The following AUTS2 variants were observed in gnomAD, a reference collection of about 807,000 sequenced individuals.
AUTS2 encodes autism susceptibility gene 2 protein.
A neutral mutation model predicts 112.4 loss-of-function variants in AUTS2; 17 were observed. The ratio of observed to expected loss-of-function variants is 0.15; its 90% CI spans 0.10 to 0.23. The LOEUF (loss-of-function observed/expected upper bound fraction) is 0.23. Among genes scored for constraint, AUTS2 ranks in the 10% least tolerant of loss-of-function variants. AUTS2 has a pLI of 1.00. For missense variants in AUTS2, 1,510 were observed against 1,701.6 expected (o/e 0.89, Z 1.98); for synonymous variants, 751 against 702.7 (o/e 1.07, Z -1.09).
intron 2 of AUTS2, among the ~76,000 whole-genome samples, chr7:70,083,920 T>TTGGG: frequency 6.6e-6 from 1 of 152,086 alleles, no homozygotes; most frequent in African/African-American, 2.4e-5. Flanking sequence ...GTATTTTAGC[T>TTGGG]TGGGTGATAG....
intron 5 of AUTS2, among the ~76,000 whole-genome samples, chr7:70,644,309 G>A (rs1369349205): frequency 2.0e-5 from 3 of 152,182 alleles, no homozygotes; most frequent in Non-Finnish European, 4.4e-5. Flanking sequence ...TGGAGAGGGA[G>A]TCGTCAGGGA....
At chr7:69,781,757 T>C (rs936685737) in intron 1 of AUTS2, among the ~76,000 whole-genome samples, 1 of 152,172 alleles carries the variant, frequency 6.6e-6, no homozygotes, top group Non-Finnish European at 1.5e-5. Flanking sequence ...TTCCCACTTG[T>C]TGCAAAGGCC....
chr7:69,886,891 C>T (rs1431686698), intron 1 of AUTS2, among the ~76,000 whole-genome samples: 1 of 151,960 alleles, frequency 6.6e-6, no homozygotes, highest in African/African-American at 2.4e-5. Flanking sequence ...CCTCCTGCCT[C>T]AGCCTCCTGA....
At chr7:70,656,883 C>T (rs1563106336) in intron 5 of AUTS2, among the ~76,000 whole-genome samples, 1 of 150,722 alleles carries the variant, frequency 6.6e-6, no homozygotes, top group Non-Finnish European at 1.5e-5. Context: ...GCAAATGTCA[C>T]TCACATCCTA....
intron 2 of AUTS2, among the ~76,000 whole-genome samples, chr7:69,975,453 C>A (rs1165098475): frequency 6.6e-6 from 1 of 152,034 alleles, no homozygotes; most frequent in Admixed American, 6.6e-5. Context: ...GCCCTATTTT[C>A]CTTTTCCTCT....
chr7:70,229,715 AG>A (rs1486719346), intron 4 of AUTS2, among the ~76,000 whole-genome samples: 1 of 151,846 alleles, frequency 6.6e-6, no homozygotes, highest in Admixed American at 6.6e-5. Context: ...GTTATATTTG[AG>A]GTGTGCTACA....
At chr7:70,585,376 G>C (rs1802632481) in intron 5 of AUTS2, among the ~76,000 whole-genome samples, 1 of 152,182 alleles carries the variant, frequency 6.6e-6, no homozygotes. Context: ...AGCAGCATCA[G>C]GAGGGTCGCT....
At chr7:70,124,923 GT>G (rs1316396565) in intron 3 of AUTS2, among the ~76,000 whole-genome samples, 1 of 152,110 alleles carries the variant, frequency 6.6e-6, no homozygotes, top group African/African-American at 2.4e-5. Context: ...ATGACTACTG[GT>G]TTTTGTTTTT....
At chr7:69,658,714 A>G (rs561264685) in intron 1 of AUTS2, among the ~76,000 whole-genome samples, 98 of 152,334 alleles carry the variant, frequency 6.4e-4, no homozygotes, top group South Asian at 2.7e-3. Context: ...TCATGAGCAA[A>G]CTACTGTCTG....
chr7:70,219,303 TTTA>T (rs2074816139), intron 4 of AUTS2, among the ~76,000 whole-genome samples: 1 of 152,240 alleles, frequency 6.6e-6, no homozygotes, highest in Admixed American at 6.5e-5. Context: ...CTGCCATGAT[TTTA>T]TTTTTAATTG....
intron 5 of AUTS2, among the ~76,000 whole-genome samples, chr7:70,583,008 T>TATTAAAGTAC (rs1802521020): frequency 1.3e-5 from 2 of 152,340 alleles, no homozygotes; most frequent in South Asian, 4.1e-4. Context: ...TAGTACTGTA[T>TATTAAAGTAC]CTTTAACCTT....
intron 4 of AUTS2, among the ~76,000 whole-genome samples, chr7:70,246,018 T>G (rs934074025): frequency 1.3e-5 from 2 of 152,178 alleles, no homozygotes; most frequent in Non-Finnish European, 2.9e-5. Flanking sequence ...GCATGTTCTT[T>G]TGGGTTTTTT....
chr7:70,652,941 C>T (rs1806584692), intron 5 of AUTS2, among the ~76,000 whole-genome samples: 1 of 152,052 alleles, frequency 6.6e-6, no homozygotes, highest in Non-Finnish European at 1.5e-5. Flanking sequence ...CTCCCCTCCC[C>T]TTATTTAAAT....
At chr7:70,143,800 G>A (rs942484017) in intron 4 of AUTS2, among the ~76,000 whole-genome samples, 5 of 152,148 alleles carry the variant, frequency 3.3e-5, no homozygotes, top group Non-Finnish European at 5.9e-5. Flanking sequence ...GAATGGAGTG[G>A]TGAAGCCAGA....
chr7:70,427,467 A>G (rs1444756749), intron 4 of AUTS2, among the ~76,000 whole-genome samples: 2 of 152,220 alleles, frequency 1.3e-5, no homozygotes, highest in African/African-American at 4.8e-5. Flanking sequence ...CTCCCCAAAG[A>G]TTTGTGAAAT....
intron 5 of AUTS2, among the ~76,000 whole-genome samples, chr7:70,690,900 A>G (rs1808721030): frequency 1.3e-5 from 2 of 152,324 alleles, no homozygotes; most frequent in East Asian, 3.9e-4. Flanking sequence ...GTTCCAGGTT[A>G]TAGTGAGCTA....
At chr7:69,693,439 A>G (rs1296879770) in intron 1 of AUTS2, among the ~76,000 whole-genome samples, 4 of 152,236 alleles carry the variant, frequency 2.6e-5, no homozygotes, top group Non-Finnish European at 5.9e-5. Context: ...TCTTGGCCAT[A>G]TGGATTAGCA....
intron 5 of AUTS2, among the ~76,000 whole-genome samples, chr7:70,496,624 C>G (rs1798530144): frequency 7.0e-6 from 1 of 143,756 alleles, no homozygotes; most frequent in Non-Finnish European, 1.5e-5. Flanking sequence ...ACCACGTACA[C>G]AGGCACACAC....
intron 1 of AUTS2, among the ~76,000 whole-genome samples, chr7:69,815,759 T>G (rs749002265): frequency 6.6e-6 from 1 of 152,222 alleles, no homozygotes; most frequent in Non-Finnish European, 1.5e-5. Flanking sequence ...GTGATCCACC[T>G]GCCTTGGCCT....
Sources: allele counts gnomAD v4.1 joint callset (sites outside exome capture counted in the v4.1 genomes callset), GRCh38; gene constraint gnomAD v4.1.1; transcripts MANE v1.5; gene names NCBI Gene and HGNC (gene_info 2026-07-23, HGNC 2026-07-21).